Variants in DENND1A observed in about 807,000 individuals in gnomAD.
DENND1A encodes DENN domain-containing protein 1A.
A neutral mutation model predicts 113.7 loss-of-function variants in DENND1A; 51 were observed. The ratio of observed to expected loss-of-function variants is 0.45; its 90% CI spans 0.36 to 0.57. DENND1A has a LOEUF of 0.57. Ranked by LOEUF, DENND1A falls within the 20% of genes least tolerant of loss-of-function variation. The probability of loss-of-function intolerance (pLI) is 0.00; values close to 1 mark genes in which losing one functional copy is unlikely to be tolerated. For missense variants in DENND1A, 1,258 were observed against 1,395.9 expected, an observed-to-expected ratio of 0.90 and a Z score of 1.57; for synonymous variants, 565 against 570.8, an observed-to-expected ratio of 0.99 and a Z score of 0.14.
chr9:123,498,730 T>C (rs2052177546), intron 13 of DENND1A, among the ~76,000 whole-genome samples: 1 of 152,048 alleles, frequency 6.6e-6, no homozygotes, highest in South Asian at 2.1e-4. Flanking sequence ...TCTCTCTTTT[T>C]TTTTTTTCTT....
chr9:123,540,280 C>T lies in DENND1A; in HGVS notation c.993+17290G>A, dbSNP rs546845712. On this transcript the variant is annotated intron_variant, in intron 13 of 23. Coordinates refer to ENST00000394215, the MANE Select transcript of DENND1A (RefSeq NM_001352964.2). ...TGTGAGGCAGATTACATTTATTCTT[C>T]CCATTTTACAGATGACAAAACTGAA... is the stretch of plus-strand genomic sequence containing the variant. Among the ~76,000 whole-genome samples, 6 of 152,274 alleles carry T rather than the reference C, an allele frequency of 3.9e-5. 1 individual carries two copies. The South Asian group carries it at 8.3e-4, about 21-fold the overall frequency.
At chr9:123,483,866 G>C (rs1224775071) in intron 13 of DENND1A, among the ~76,000 whole-genome samples, 1 of 152,248 alleles carries the variant, frequency 6.6e-6, no homozygotes, top group African/African-American at 2.4e-5. Context: ...ATGTGTAAGA[G>C]AGACTCAGTT....
At chr9:123,565,237 C>G (rs59999269) in intron 12 of DENND1A, among the ~76,000 whole-genome samples, 5,089 of 152,212 alleles carry the variant, frequency 0.033, 290 homozygotes, top group African/African-American at 0.12. Context: ...AGTGATCCAC[C>G]CCCATTGGCC....
chr9:123,755,167 G>C (rs2070417978), intron 5 of DENND1A, among the ~76,000 whole-genome samples: 1 of 147,414 alleles, frequency 6.8e-6, no homozygotes, highest in Non-Finnish European at 1.5e-5. Context: ...CTGTCGCCCA[G>C]ACTGGAGTGA....
At chr9:123,690,090 G>A (rs1347192580) in intron 5 of DENND1A, among the ~76,000 whole-genome samples, 2 of 94,838 alleles carry the variant, frequency 2.1e-5, no homozygotes, top group Non-Finnish European at 4.4e-5. Flanking sequence ...GGAAAGGAGG[G>A]AGGGAGGGAG....
chr9:123,509,170 C>T (rs1478094297), intron 13 of DENND1A, among the ~76,000 whole-genome samples: 3 of 152,180 alleles, frequency 2.0e-5, no homozygotes, highest in African/African-American at 7.2e-5. Context: ...CCCGTACACA[C>T]AGAGCAGCTG....
chr9:123,646,681 T>C (rs1203919147), intron 9 of DENND1A, among the ~76,000 whole-genome samples: 1 of 152,138 alleles, frequency 6.6e-6, no homozygotes, highest in Non-Finnish European at 1.5e-5. Flanking sequence ...CCGTACGAGA[T>C]ATTTAACTCC....
rs1211433954 is a variant in DENND1A at position 123,747,158 on chromosome 9, A to T, written c.302+10545T>A. ...TCATCCCAAGGAGCTTAGACAACAA[A>T]CTGCAGGACACTGAATTTCACCCAA... On this transcript the variant is annotated intron_variant, in intron 5 of 23. Coordinates refer to ENST00000394215, the MANE Select transcript of DENND1A (RefSeq NM_001352964.2). 2.0e-5 allele frequency among the ~76,000 whole-genome samples: 3 copies of T among 152,234 alleles called. No individual in the cohort carries two copies. The East Asian group carries it at 5.8e-4, about 29-fold the overall frequency.
At chr9:123,607,543 A>AGTGT (rs1270262038) in intron 11 of DENND1A, among the ~76,000 whole-genome samples, 1 of 123,532 alleles carries the variant, frequency 8.1e-6, no homozygotes, top group African/African-American at 3.1e-5. Flanking sequence ...AGAGAGAGAG[A>AGTGT]GAGAGTGTGT....
At chr9:123,731,300 C>A (rs1163737910) in intron 5 of DENND1A, among the ~76,000 whole-genome samples, 1 of 152,006 alleles carries the variant, frequency 6.6e-6, no homozygotes, top group East Asian at 1.9e-4. Flanking sequence ...AAGATTAATG[C>A]TATCTGATTT....
rs544092567 is a variant in DENND1A at position 123,614,812 on chromosome 9, T to C, written c.720-5331A>G. Among the ~76,000 whole-genome samples, 4 of 152,290 alleles carry C rather than the reference T, an allele frequency of 2.6e-5. No homozygotes were observed. The South Asian group carries it at 8.3e-4, about 32-fold the overall frequency. On this transcript the variant is annotated intron_variant, in intron 10 of 23. Coordinates refer to ENST00000394215, the MANE Select transcript of DENND1A (RefSeq NM_001352964.2). ...CTTACCTCTCAGAGGGCCACCACCTTCTTAATTAAATACCCTGATCAGGCA... is the reference window on the plus strand; with the variant it reads ...CTTACCTCTCAGAGGGCCACCACCTCCTTAATTAAATACCCTGATCAGGCA...
At chr9:123,903,310 C>T (rs1248866815) in intron 1 of DENND1A, among the ~76,000 whole-genome samples, 4 of 113,818 alleles carry the variant, frequency 3.5e-5, no homozygotes, top group Non-Finnish European at 6.5e-5. Context: ...CCAGCCTGGG[C>T]GACAGAGCGA....
At chr9:123,421,291 C>T (rs114992767) in intron 19 of DENND1A, among the ~76,000 whole-genome samples, 171 of 151,918 alleles carry the variant, frequency 1.1e-3, no homozygotes, top group African/African-American at 4.0e-3. Flanking sequence ...ATGAAGAAAC[C>T]GAGGCCATGT....
intron 19 of DENND1A, among the ~76,000 whole-genome samples, chr9:123,433,746 TAA>T (rs1407857417): frequency 6.6e-6 from 1 of 152,208 alleles, no homozygotes. Flanking sequence ...CTTTCACAGA[TAA>T]AACCTTTACG....
At chr9:123,510,324 G>A (rs1488161076) in intron 13 of DENND1A, among the ~76,000 whole-genome samples, 1 of 152,248 alleles carries the variant, frequency 6.6e-6, no homozygotes, top group Non-Finnish European at 1.5e-5. Flanking sequence ...ATGTTATGCG[G>A]TCATATGAAC....
chr9:123,637,923 A>G (rs1400290588), intron 9 of DENND1A, among the ~76,000 whole-genome samples: 13 of 111,130 alleles, frequency 1.2e-4, no homozygotes, highest in African/African-American at 3.7e-4. Flanking sequence ...ACACACACAC[A>G]CACACACACG....
chr9:123,460,227 C>T (rs921293746), intron 13 of DENND1A, among the ~76,000 whole-genome samples: 3 of 152,202 alleles, frequency 2.0e-5, no homozygotes, highest in African/African-American at 7.2e-5. Flanking sequence ...ATTACTTTGG[C>T]ATGGGTTTAC....
Position 123,607,233 on chromosome 9 carries a change from G to C in DENND1A, c.765+2203C>G, listed in dbSNP as rs138711426. 2.2e-3 allele frequency among the ~76,000 whole-genome samples: 335 copies of C among 152,020 alleles called. 1 individual carries two copies. The highest frequency in any genetic ancestry group is 7.7e-3 in the African/African-American group (318 of 41,488). On this transcript the variant is annotated intron_variant, in intron 11 of 23. Transcript: ENST00000394215. Reference sequence around the variant, plus strand: ...TTGGAACATAAGAGACCCTCATGTTGTTTATCAAATGAATAAGGCTTTTGC... The same window carrying C: ...TTGGAACATAAGAGACCCTCATGTTCTTTATCAAATGAATAAGGCTTTTGC...
chr9:123,846,674 T>C (rs1434763920), intron 2 of DENND1A, among the ~76,000 whole-genome samples: 3 of 152,130 alleles, frequency 2.0e-5, no homozygotes, highest in Admixed American at 2.0e-4. Context: ...GAAAATAGGA[T>C]AGAGGATACC....
Sources: allele counts gnomAD v4.1 joint callset (sites outside exome capture counted in the v4.1 genomes callset), GRCh38; gene constraint gnomAD v4.1.1; transcripts MANE v1.5; gene names NCBI Gene and HGNC (gene_info 2026-07-23, HGNC 2026-07-21).